Variants in SLC44A5 observed in about 807,000 individuals in gnomAD.
SLC44A5 encodes the protein solute carrier family 44 member 5.
SLC44A5 carries 57 observed loss-of-function variants against 101.8 expected under a neutral mutation model. The observed-to-expected ratio is 0.56, with a 90% CI of 0.45 to 0.70. SLC44A5 has a LOEUF of 0.70. Among genes scored for constraint, SLC44A5 ranks in the 30% least tolerant of loss-of-function variants. SLC44A5 has a pLI of 0.00. For missense variants in SLC44A5, 737 were observed against 853.1 expected (o/e 0.86, Z 1.70); for synonymous variants, 281 against 290.9 (o/e 0.97, Z 0.35).
At chr1:75,458,972 A>C (rs1293756490) in intron 2 of SLC44A5, among the ~76,000 whole-genome samples, 3 of 152,308 alleles carry the variant, frequency 2.0e-5, no homozygotes, top group African/African-American at 4.8e-5. Context: ...TTCAAGAAAG[A>C]GGTTCAAGTA....
intron 3 of SLC44A5, among the ~76,000 whole-genome samples, chr1:75,394,310 T>C (rs1288611268): frequency 2.0e-5 from 3 of 152,158 alleles, no homozygotes; most frequent in African/African-American, 7.2e-5. Flanking sequence ...AACTGTTTCA[T>C]GAAGTAATGC....
At chr1:75,362,788 C>G (rs1659587562) in intron 3 of SLC44A5, among the ~76,000 whole-genome samples, 2 of 151,962 alleles carry the variant, frequency 1.3e-5, no homozygotes, top group Admixed American at 1.3e-4. Flanking sequence ...ACTGCATGTT[C>G]TTTAGACATG....
At chr1:75,700,593 A>T in the SLC44A5 span, among the ~76,000 whole-genome samples, 1 of 152,210 alleles carries the variant, frequency 6.6e-6, no homozygotes, top group Non-Finnish European at 1.5e-5. Flanking sequence ...CACAATTAAA[A>T]GAACTAGAGA....
At chr1:75,208,379 G>A (rs571506090) in intron 23 of SLC44A5, among the ~76,000 whole-genome samples, 1 of 152,198 alleles carries the variant, frequency 6.6e-6, no homozygotes, top group Admixed American at 6.5e-5. Flanking sequence ...GGCTGGTCTC[G>A]AACTCCTGAT....
At chr1:75,475,895 A>T (rs1205412465) in intron 2 of SLC44A5, among the ~76,000 whole-genome samples, 1 of 152,248 alleles carries the variant, frequency 6.6e-6, no homozygotes, top group African/African-American at 2.4e-5. Flanking sequence ...AACAACATAT[A>T]TCTCAGTGGC....
At chr1:75,477,266 T>C (rs889528554) in intron 2 of SLC44A5, among the ~76,000 whole-genome samples, 2 of 151,934 alleles carry the variant, frequency 1.3e-5, no homozygotes, top group Non-Finnish European at 2.9e-5. Flanking sequence ...ATTACCATCA[T>C]CAAAGACTAA....
At chr1:75,324,474 A>G (rs1020509608) in intron 4 of SLC44A5, among the ~76,000 whole-genome samples, 2 of 152,238 alleles carry the variant, frequency 1.3e-5, no homozygotes, top group Non-Finnish European at 2.9e-5. Context: ...CTTATATCAT[A>G]GCAACAAAAT....
rs565556746 is a variant in SLC44A5 at position 75,405,897 on chromosome 1, C to G, written c.14-9276G>C. On this transcript the variant is annotated intron_variant, in intron 2 of 23. Coordinates refer to ENST00000370859, the MANE Select transcript of SLC44A5 (RefSeq NM_001130058.2). The stretch of plus-strand genomic sequence containing the variant: ...GCGATAGAGATAAAAAAAAAAAAAA[C>G]CCTTTAAAAAATCAATGAATCCAGG... Among the ~76,000 whole-genome samples, 225 of 47,616 alleles carry G rather than the reference C, an allele frequency of 4.7e-3. 1 individual carries two copies. Among genetic ancestry groups the G allele is most frequent in the African/African-American group, 0.022 (208 of 9,328 alleles). 31.2% of individuals were successfully genotyped at this position (47,616 alleles called of 152,430 possible). A position where few individuals can be genotyped will look rare whatever the true frequency, so the allele number is the denominator to read the frequency against.
intron 4 of SLC44A5, among the ~76,000 whole-genome samples, chr1:75,333,343 G>T (rs970270858): frequency 1.3e-5 from 2 of 151,998 alleles, no homozygotes; most frequent in African/African-American, 2.4e-5. Flanking sequence ...ATGGCCTAAT[G>T]TGATTAATTA....
intron 5 of SLC44A5, among the ~76,000 whole-genome samples, chr1:75,295,434 C>A (rs1653890491): frequency 6.6e-6 from 1 of 152,140 alleles, no homozygotes; most frequent in South Asian, 2.1e-4. Context: ...AAACTTTTCT[C>A]CCTGAGATTT....
At chr1:75,646,188 T>A in the SLC44A5 span, among the ~76,000 whole-genome samples, 1 of 135,202 alleles carries the variant, frequency 7.4e-6, no homozygotes, top group Non-Finnish European at 1.7e-5. Context: ...GGTAGCTTGA[T>A]GGGGATGGCA....
intron 2 of SLC44A5, chr1:75,398,420 C>T: frequency 1.6e-5 from 16 of 985,088 alleles, no homozygotes; most frequent in Non-Finnish European, 1.9e-5. Context: ...TAATCTCAGA[C>T]CCTGCCAATG....
chr1:75,582,890 G>A (rs1673779586), intron 1 of SLC44A5, among the ~76,000 whole-genome samples: 1 of 152,092 alleles, frequency 6.6e-6, no homozygotes, highest in South Asian at 2.1e-4. Context: ...ATTATTGCAT[G>A]AGCTGGACTC....
At chr1:75,334,816 A>G (rs1307868877) in intron 4 of SLC44A5, among the ~76,000 whole-genome samples, 1 of 152,222 alleles carries the variant, frequency 6.6e-6, no homozygotes, top group African/African-American at 2.4e-5. Context: ...AAAGAACATT[A>G]AAGTCTAGTG....
chr1:75,261,811 T>A (rs1650533045), intron 6 of SLC44A5, among the ~76,000 whole-genome samples: 1 of 152,034 alleles, frequency 6.6e-6, no homozygotes, highest in African/African-American at 2.4e-5. Flanking sequence ...AAAAAGCTTA[T>A]CCACCACGAG....
intron 2 of SLC44A5, among the ~76,000 whole-genome samples, chr1:75,477,044 T>A (rs1667460837): frequency 6.6e-6 from 1 of 152,154 alleles, no homozygotes; most frequent in Admixed American, 6.5e-5. Flanking sequence ...CCGGTACTCC[T>A]CTGAGACAAA....
At chr1:75,722,555 C>T in the SLC44A5 span, among the ~76,000 whole-genome samples, 2 of 152,156 alleles carry the variant, frequency 1.3e-5, no homozygotes, top group Non-Finnish European at 2.9e-5. Flanking sequence ...TAATTGAAGC[C>T]TGTCAGTAAC....
Position 75,461,306 on chromosome 1 carries a change from A to G in SLC44A5, c.14-64685T>C, listed in dbSNP as rs942089770. On this transcript the variant is annotated intron_variant, in intron 2 of 23. Coordinates refer to ENST00000370859, the MANE Select transcript of SLC44A5 (RefSeq NM_001130058.2). ...TGTTCCCTAACCATTTTCATCTCTG[A>G]CAATTTTCACATGCACCTTTCTCCC... 2.6e-5 allele frequency among the ~76,000 whole-genome samples: 4 copies of G among 152,216 alleles called. No individual in the cohort carries two copies. The South Asian group carries it at 6.2e-4, about 24-fold the overall frequency.
intron 13 of SLC44A5, among the ~76,000 whole-genome samples, chr1:75,227,517 T>C (rs1647232491): frequency 6.6e-6 from 1 of 152,240 alleles, no homozygotes. Context: ...CTTGAGGTCC[T>C]TGTAAGGTAG....
Sources: gnomAD v4.1 joint callset for allele counts (sites outside exome capture counted in the v4.1 genomes callset) on GRCh38, gnomAD v4.1.1 for gene constraint, MANE v1.5 for transcripts, NCBI Gene and HGNC (gene_info 2026-07-23, HGNC 2026-07-21) for gene names.